Variants in FMO5 observed in about 807,000 individuals in gnomAD.
The protein encoded by FMO5 is flavin containing dimethylaniline monoxygenase 5.
A neutral mutation model predicts 43.6 loss-of-function variants in FMO5; 51 were observed. The ratio of observed to expected loss-of-function variants is 1.17; its 90% CI spans 0.93 to 1.48. The LOEUF (loss-of-function observed/expected upper bound fraction) is 1.48. Ranked by LOEUF, FMO5 falls within the 40% of genes most tolerant of loss-of-function variation. FMO5 has a pLI of 0.00. For missense variants in FMO5, 644 were observed against 643.0 expected (o/e 1.00, Z -0.02); for synonymous variants, 187 against 216.5 (o/e 0.86, Z 1.20).
upstream of FMO5, among the ~76,000 whole-genome samples, chr1:147,226,704 C>T (rs1664006167): frequency 6.6e-6 from 1 of 152,186 alleles, no homozygotes; most frequent in Admixed American, 6.5e-5. Context: ...TTTGCTCTTC[C>T]AATCTGCACC....
At chr1:147,204,260 T>C in intron 6 of FMO5, 1 of 1,103,620 alleles carries the variant, frequency 9.1e-7, no homozygotes, top group Non-Finnish European at 1.4e-6. Flanking sequence ...TCTGTTTCCT[T>C]CTTAAAAACC....
At chr1:147,194,592 C>A (rs1657591021) in intron 7 of FMO5, among the ~76,000 whole-genome samples, 1 of 152,154 alleles carries the variant, frequency 6.6e-6, no homozygotes, top group South Asian at 2.1e-4. Context: ...GATGCAGTTT[C>A]TTCCTAGCCT....
Position 147,208,921 on chromosome 1 carries a change from T to C in FMO5, c.761A>G (p.Asn254Ser). Residue 254 changes from asparagine to serine, a missense_variant, in exon 6 of 9, where the codon AAC becomes AGC. Physicochemically the swap from Asn to Ser is conservative, Grantham distance 46. Transcript: ENST00000254090. ...GTTTATCTTTTTTTCCAAATATTTG[T>C]TTGCTAATGATTGGCCACAGATCTT... ...IWKICGQSLA[N>S]KYLEKKINQR... 6.2e-7 allele frequency: 1 copy of C among 1,614,096 alleles called. No homozygotes were observed.
In FMO5 at chr1:147,210,322, T is replaced by C. The variant is rs1305505731; in HGVS notation, c.631-1271A>G. 6 of 152,220 alleles carry C rather than the reference T, an allele frequency of 3.9e-5. 1 individual carries two copies. Among genetic ancestry groups the C allele is most frequent in the Admixed American group, 3.9e-4 (6 of 15,280 alleles). 9.4% of individuals were successfully genotyped at this position (152,220 alleles called of 1,614,324 possible). On this transcript the variant is annotated intron_variant, in intron 5 of 8. Transcript: ENST00000254090. ...TGTGTCCTCCTCTGGCTAAAGTTCA[T>C]GTTCAGAACTGATAAAGATTTGATA...
chr1:147,212,026 A>G (rs955983003), intron 5 of FMO5, among the ~76,000 whole-genome samples: 21 of 152,274 alleles, frequency 1.4e-4, no homozygotes, highest in African/African-American at 3.6e-4. Context: ...CTGCTGGCCA[A>G]TTGAAGATCC....
intron 2 of FMO5, chr1:147,224,137 C>T: frequency 3.2e-6 from 1 of 311,184 alleles, no homozygotes; most frequent in Non-Finnish European, 6.4e-6. Flanking sequence ...GTCTAGTCCA[C>T]AGGAAGACCT....
In FMO5 at chr1:147,187,000, G is replaced by T. The variant is rs1457263874; in HGVS notation, c.1502C>A (p.Thr501Lys). Residue 501 changes from threonine to lysine, a missense_variant, in exon 9 of 9, where the codon ACA becomes AAA. By Grantham distance (78) the Thr-to-Lys change is moderately conservative. Coordinates refer to ENST00000254090, the MANE Select transcript of FMO5 (RefSeq NM_001461.4). ...AGAACTACTCCTTTCAACTACTCTT[G>T]TCATCAGAGGCTTCCTGATGCGATC... ...TDDRIRKPLM[T>K]RVVERSSSMT... The T allele has an allele frequency of 4.0e-5, 65 of 1,614,026 alleles. No individual in the cohort carries two copies. Among genetic ancestry groups the T allele is most frequent in the Non-Finnish European group, 5.4e-5 (64 of 1,180,022 alleles).
chr1:147,200,073 G>A (rs1249525987), intron 7 of FMO5, among the ~76,000 whole-genome samples: 1 of 152,100 alleles, frequency 6.6e-6, no homozygotes, highest in Non-Finnish European at 1.5e-5. Context: ...GGCCCAGTGA[G>A]CATTCAGTCA....
At position 147,194,430 on chromosome 1, in the gene FMO5, C is replaced by T. The variant is rs587772888; in HGVS notation, c.1184-4181G>A. Among the ~76,000 whole-genome samples the T allele has an allele frequency of 7.1e-4, 108 of 152,226 alleles. 2 individuals carry two copies. Among genetic ancestry groups the T allele is most frequent in the South Asian group, 2.3e-3 (11 of 4,824 alleles). On this transcript the variant is annotated intron_variant, in intron 7 of 8. Transcript: ENST00000254090. ...GCACATGAGATGGGTTTCCTGAATA[C>T]AGCACACTGTTGGGTCTTGACTCTT...
downstream of FMO5, chr1:147,184,480 T>G (rs1553916664): frequency 6.6e-7 from 1 of 1,506,418 alleles, no homozygotes; most frequent in Admixed American, 2.4e-5. This position sits in a 1 kb window ranked among gnomAD's most constrained non-coding sequence, Gnocchi z 4.4. Flanking sequence ...GATACTACAT[T>G]ACATTTAGAT....
At chr1:147,224,304 C>T in intron 2 of FMO5, 1 of 176,856 alleles carries the variant, frequency 5.7e-6, no homozygotes. Context: ...GTTTGAATCA[C>T]CAAAGTGGAA....
intron 2 of FMO5, among the ~76,000 whole-genome samples, chr1:147,221,380 C>T (rs1662985746): frequency 6.6e-6 from 1 of 152,096 alleles, no homozygotes; most frequent in African/African-American, 2.4e-5. Context: ...TACTGTAATT[C>T]TCTGTATTAT....
In FMO5 at chr1:147,215,927, C is replaced by T. The variant is rs1661907741; in HGVS notation, c.151G>A (p.Gly51Arg). ...LWRFQENPEE[G>R]RASIYKSVII... ...ACTGATTTGTAAATACTGGCCCTTC[C>T]TTCTTCAGGATTTTCCTGCAATAAA... The change falls in exon 3 of 9, where the codon GGA (glycine) becomes AGA (arginine). Residue 51 changes from glycine to arginine, a missense_variant. By Grantham distance (125) the Gly-to-Arg change is moderately radical (BLOSUM62 -2). Transcript: ENST00000254090. 1 of 1,605,096 alleles carries T rather than the reference C, an allele frequency of 6.2e-7. No individual in the cohort carries two copies.
intron 7 of FMO5, among the ~76,000 whole-genome samples, chr1:147,194,011 T>A (rs1438692810): frequency 6.6e-6 from 1 of 152,152 alleles, no homozygotes; most frequent in African/African-American, 2.4e-5. Context: ...GTTCTGTAGA[T>A]GTCTATTAGG....
intron 2 of FMO5, chr1:147,223,981 C>T: frequency 4.9e-6 from 2 of 411,720 alleles, no homozygotes; most frequent in Admixed American, 5.4e-5. Context: ...TTAACACAAT[C>T]ACCACCTTGG....
At chr1:147,219,175 G>A (rs138729460) in intron 2 of FMO5, among the ~76,000 whole-genome samples, 18 of 152,220 alleles carry the variant, frequency 1.2e-4, no homozygotes, top group Non-Finnish European at 1.6e-4. Flanking sequence ...TAAAAATGGC[G>A]TATGATATAA....
Position 147,201,167 on chromosome 1 carries a change from T to G in FMO5, c.1168A>C (p.Thr390Pro). 1 of 1,611,680 alleles carries G rather than the reference T, an allele frequency of 6.2e-7. No homozygotes were observed. The highest frequency in any genetic ancestry group is 8.5e-7 in the Non-Finnish European group (1 of 1,178,792). The change falls in exon 7 of 9, where the codon ACT (threonine) becomes CCT (proline). Residue 390 changes from threonine to proline, a missense_variant. Transcript: ENST00000254090. ...PISELQGRWA[T>P]QVFKGLKTLP... is the part of the protein sequence containing the mutation. ...GGTCACTTACCTTTAAATACCTGAG[T>G]GGCCCAGCGTCCTTGGAGCTCTGAA...
intron 7 of FMO5, among the ~76,000 whole-genome samples, chr1:147,192,085 T>C (rs1656974468): frequency 6.6e-6 from 1 of 152,172 alleles, no homozygotes; most frequent in Admixed American, 6.5e-5. Flanking sequence ...GCATTTAATC[T>C]ATAAATTACC....
intron 6 of FMO5, among the ~76,000 whole-genome samples, chr1:147,205,504 C>G (rs1193964125): frequency 6.6e-6 from 1 of 152,096 alleles, no homozygotes; most frequent in South Asian, 2.1e-4. Context: ...TTTAGAGACT[C>G]TCTACAAAAC....
Sources: allele counts gnomAD v4.1 joint callset (sites outside exome capture counted in the v4.1 genomes callset), GRCh38; gene constraint gnomAD v4.1.1; non-coding constraint Gnocchi (gnomAD v3.1); transcripts MANE v1.5; gene names NCBI Gene and HGNC (gene_info 2026-07-23, HGNC 2026-07-21).